ARPP21: variants seen among roughly 807,000 people sequenced by gnomAD.
ARPP21 encodes cAMP regulated phosphoprotein 21.
Under a neutral mutation model 113.2 loss-of-function variants are expected in ARPP21, and 69 were observed. The ratio of observed to expected loss-of-function variants is 0.61; its 90% CI spans 0.50 to 0.74. The LOEUF is 0.74. ARPP21 is among the 30% of genes least tolerant of loss of function. ARPP21 has a pLI of 0.00. For synonymous variants in ARPP21, 368 were observed against 375.5 expected (o/e 0.98, Z 0.23); for missense variants, 1,070 against 1,037.4 (o/e 1.03, Z -0.43).
chr3:35,787,150 C>T (rs1451281587), intron 19 of ARPP21, among the ~76,000 whole-genome samples: 1 of 152,110 alleles, frequency 6.6e-6, no homozygotes, highest in Non-Finnish European at 1.5e-5. Flanking sequence ...TTTCTCCAGG[C>T]CTTCATCTGA....
chr3:35,793,641 T>C, intron 20 of ARPP21, 60 bp from the exon 21 acceptor site: 1 of 1,192,452 alleles, frequency 8.4e-7, no homozygotes, highest in Admixed American at 1.7e-5. Context: ...CACCATGTTG[T>C]TTATTGTACA....
chr3:35,696,481 C>T (rs1024402355), intron 9 of ARPP21, among the ~76,000 whole-genome samples: 5 of 151,564 alleles, frequency 3.3e-5, no homozygotes, highest in African/African-American at 1.2e-4. Context: ...ATAGCTGGGA[C>T]TCCTGTAACA....
rs79099992 is a variant in ARPP21 at position 35,639,913 on chromosome 3, G to A, written c.-698G>A. The A allele has an allele frequency of 0.015, 2,228 of 152,434 alleles. 13 individuals are homozygous for A. The highest frequency in any genetic ancestry group is 0.025 in the Non-Finnish European group (1,679 of 68,172). 9.4% of individuals were successfully genotyped at this position (152,434 alleles called of 1,614,324 possible). Reference sequence around the variant, plus strand: ...AGAGTGGCAGCTTTGAGAGCAGAGCGCAGCAAAGCGAGAATCCCGCGCCGA... The same window carrying A: ...AGAGTGGCAGCTTTGAGAGCAGAGCACAGCAAAGCGAGAATCCCGCGCCGA... On this transcript the variant is annotated 5_prime_UTR_variant, in exon 1 of 21. Coordinates refer to ENST00000684406, the MANE Select transcript of ARPP21 (RefSeq NM_001385562.1). This position sits in a 1 kb window ranked among gnomAD's most constrained non-coding sequence, Gnocchi z 5.0.
intron 19 of ARPP21, among the ~76,000 whole-genome samples, chr3:35,784,619 G>T (rs189139317): frequency 1.3e-5 from 2 of 151,904 alleles, no homozygotes; most frequent in Admixed American, 1.3e-4. Context: ...TCCTGTCTTC[G>T]TTGTCTTTGC....
At chr3:35,719,729 T>C (rs2092864262) in intron 13 of ARPP21, among the ~76,000 whole-genome samples, 1 of 152,182 alleles carries the variant, frequency 6.6e-6, no homozygotes, top group Admixed American at 6.5e-5. Context: ...ATGCATCCTG[T>C]ACTCTGAGGC....
chr3:35,792,167 G>T, intron 19 of ARPP21: 1 of 543,558 alleles, frequency 1.8e-6, no homozygotes, highest in Non-Finnish European at 3.3e-6. Context: ...CATAACAATA[G>T]AAATGTCAGT....
rs2081816185 is a variant in ARPP21, at chr3:35,690,156, A to G, written c.545+16A>G. 4 of 1,277,996 alleles carry G rather than the reference A, an allele frequency of 3.1e-6. No homozygotes were observed. Among genetic ancestry groups the G allele is most frequent in the East Asian group, 2.3e-5 (1 of 43,076 alleles). 79.2% of individuals were successfully genotyped at this position (1,277,996 alleles called of 1,614,324 possible). On this transcript the variant is annotated intron_variant, in intron 8 of 20. Coordinates refer to ENST00000684406, the MANE Select transcript of ARPP21 (RefSeq NM_001385562.1). The stretch of plus-strand genomic sequence containing the variant: ...CTGACAACAAGTATGTTAAACTTCA[A>G]TGCTGGTTAATTTGATCATGTATCC...
At chr3:35,726,634 T>C (rs1225141931) in intron 14 of ARPP21, among the ~76,000 whole-genome samples, 1 of 152,220 alleles carries the variant, frequency 6.6e-6, no homozygotes, top group Non-Finnish European at 1.5e-5. Context: ...AAATCAGTGA[T>C]TAATGGCCAT....
At chr3:35,669,236 C>A (rs1336091978) in intron 1 of ARPP21, among the ~76,000 whole-genome samples, 3 of 151,958 alleles carry the variant, frequency 2.0e-5, no homozygotes, top group Non-Finnish European at 4.4e-5. Context: ...AAATATTAGG[C>A]CTTAGACTTT....
At chr3:35,665,589 G>A (rs955503537) in intron 1 of ARPP21, among the ~76,000 whole-genome samples, 1 of 152,122 alleles carries the variant, frequency 6.6e-6, no homozygotes, top group Non-Finnish European at 1.5e-5. Context: ...CATTCATTTG[G>A]AGGTAAGAGG....
intron 14 of ARPP21, 93 bp downstream of exon 14, chr3:35,721,927 GATA>G (rs1330180169): frequency 2.8e-6 from 2 of 723,850 alleles, no homozygotes; most frequent in East Asian, 2.8e-5. Context: ...TCAGTTGACT[GATA>G]ATGATGATAT....
chr3:35,792,184 T>A, intron 19 of ARPP21, 198 bp from the exon 20 acceptor site: 1 of 579,550 alleles, frequency 1.7e-6, no homozygotes, highest in Non-Finnish European at 3.1e-6. Context: ...CAGTGAATTT[T>A]TAAAGCCATA....
intron 19 of ARPP21, among the ~76,000 whole-genome samples, chr3:35,765,681 A>C (rs1249973095): frequency 1.3e-5 from 2 of 152,170 alleles, no homozygotes; most frequent in Non-Finnish European, 2.9e-5. Flanking sequence ...CTTCCTAGTG[A>C]GTTATAAAAT....
intron 20 of ARPP21, among the ~76,000 whole-genome samples, chr3:35,793,034 CT>C (rs966402155): frequency 1.3e-5 from 2 of 152,124 alleles, no homozygotes; most frequent in Admixed American, 6.6e-5. Flanking sequence ...GTTATGTATC[CT>C]TTTGTGATGT....
intron 19 of ARPP21, among the ~76,000 whole-genome samples, chr3:35,765,257 A>T (rs9863448): frequency 0.016 from 2,404 of 152,206 alleles, 57 homozygotes; most frequent in African/African-American, 0.055. Context: ...GTCAAATTCT[A>T]AGCAGGATTG....
intron 19 of ARPP21, among the ~76,000 whole-genome samples, chr3:35,768,109 TG>T (rs1198840615): frequency 2.1e-5 from 3 of 141,780 alleles, no homozygotes; most frequent in Non-Finnish European, 4.5e-5. Flanking sequence ...TGTGTGTGTG[TG>T]TGTGTGTGTG....
At chr3:35,733,526 G>A (rs1035305438) in intron 15 of ARPP21, among the ~76,000 whole-genome samples, 4 of 152,186 alleles carry the variant, frequency 2.6e-5, no homozygotes, top group East Asian at 1.9e-4. Flanking sequence ...TAACTAGGCC[G>A]AGGGCCAGCC....
chr3:35,744,065 A>C, intron 19 of ARPP21, 100 bp downstream of exon 19: 1 of 1,286,468 alleles, frequency 7.8e-7, no homozygotes, highest in Non-Finnish European at 1.1e-6. Context: ...AATTTAAACC[A>C]GCACATTTTC....
intron 17 of ARPP21, among the ~76,000 whole-genome samples, chr3:35,739,006 T>C (rs1464023076): frequency 6.6e-6 from 1 of 152,122 alleles, no homozygotes; most frequent in African/African-American, 2.4e-5. Flanking sequence ...ACATCAAGCC[T>C]TCCTTGTGTG....
Sources: allele counts gnomAD v4.1 joint callset (sites outside exome capture counted in the v4.1 genomes callset), GRCh38; gene constraint gnomAD v4.1.1; non-coding constraint Gnocchi (gnomAD v3.1); transcripts MANE v1.5; gene names NCBI Gene and HGNC (gene_info 2026-07-23, HGNC 2026-07-21).